HDGF: variants seen among roughly 807,000 people sequenced by gnomAD.
HDGF encodes the protein hepatoma-derived growth factor.
A neutral mutation model predicts 30.0 loss-of-function variants in HDGF; 5 were observed. The ratio of observed to expected loss-of-function variants is 0.17; its 90% confidence interval spans 0.09 to 0.35. HDGF has a LOEUF of 0.35. HDGF is among the 10% of genes least tolerant of loss of function. The pLI, the probability that HDGF is intolerant of heterozygous loss-of-function variation, is 1.00. For missense variants in HDGF, 214 were observed against 302.8 expected, an observed-to-expected ratio of 0.71 and a Z score of 2.18; for synonymous variants, 133 against 112.7, an observed-to-expected ratio of 1.18 and a Z score of -1.14.
chr1:156,760,660 C>T (rs1312995688), intron 1 of HDGF, among the ~76,000 whole-genome samples: 1 of 152,106 alleles, frequency 6.6e-6, no homozygotes, highest in East Asian at 1.9e-4. Context: ...ATGACAATGA[C>T]AGGTGGCTGG....
intron 2 of HDGF, among the ~76,000 whole-genome samples, chr1:156,758,124 C>A (rs1014371417): frequency 1.3e-5 from 2 of 150,990 alleles, no homozygotes; most frequent in Non-Finnish European, 2.9e-5. Flanking sequence ...ATGGTGAAAC[C>A]CCATCTCTAC....
At chr1:156,761,384 G>A (rs911582990) in intron 1 of HDGF, among the ~76,000 whole-genome samples, 75 of 151,726 alleles carry the variant, frequency 4.9e-4, no homozygotes, top group African/African-American at 1.6e-3. Context: ...TGAGGCCAGC[G>A]GATCATCTGA....
intron 1 of HDGF, among the ~76,000 whole-genome samples, chr1:156,765,532 T>C (rs1260115303): frequency 7.5e-6 from 1 of 133,466 alleles, no homozygotes; most frequent in African/African-American, 2.7e-5. Flanking sequence ...TGGAATGCAG[T>C]GGCGTGATCT....
At chr1:156,745,668 CATTCTCCACAATCT>C (rs757200828) in intron 1 of HDGF, among the ~76,000 whole-genome samples, 6 of 152,348 alleles carry the variant, frequency 3.9e-5, no homozygotes, top group South Asian at 2.1e-4. Context: ...TCACCTTCTC[CATTCTCCACAATCT>C]ATTCTCCACA....
intron 5 of HDGF, 39 bp downstream of exon 5, chr1:156,743,613 C>T: frequency 6.4e-7 from 1 of 1,571,562 alleles, no homozygotes; most frequent in Non-Finnish European, 8.8e-7. Flanking sequence ...GGCCGGTCCC[C>T]CCTAGTCCAG....
rs1225729279 is a variant in HDGF at position 156,751,388 on chromosome 1, G to C, written c.42C>G (p.Asp14Glu). 5 of 1,609,572 alleles carry C rather than the reference G, an allele frequency of 3.1e-6. No individual in the cohort carries two copies. Among genetic ancestry groups the C allele is most frequent in the Non-Finnish European group, 4.2e-6 (5 of 1,177,862 alleles). ...AGCCCTTCATCTTGGCGAACACCAG[G>C]TCCCCGCATTTGTACTCCTTCTGCC... ...SNRQKEYKCG[D>E]LVFAKMKGYP... The change falls in exon 1 of 6, where the codon GAC (aspartate) becomes GAG (glutamate). Residue 14 changes from aspartate (D) to glutamate (E), a missense_variant. Physicochemically the swap from Asp to Glu is conservative, Grantham distance 45 (BLOSUM62 2). Coordinates refer to ENST00000357325, the MANE Select transcript of HDGF (RefSeq NM_004494.3). The surrounding 1 kb of genome is among the most constrained non-coding windows in gnomAD (Gnocchi z 4.7).
At chr1:156,745,909 G>A (rs190116022) in intron 1 of HDGF, among the ~76,000 whole-genome samples, 134 of 152,328 alleles carry the variant, frequency 8.8e-4, no homozygotes, top group Non-Finnish European at 1.6e-3. Flanking sequence ...AAGGGAGACA[G>A]TCATAGTACT....
rs1650427082 is a variant in HDGF at position 156,745,020 on chromosome 1, A to G, written c.291T>C (p.Ala97=). The part of the protein sequence containing the change: ...WEIENNPTVK[A]SGYQSSQKKS... ...GGCGGTGGCTCACCTGATAGCCGGA[A>G]GCCTTGACAGTAGGGTTGTTCTCGA... The change falls in exon 3 of 6, where the codon GCT becomes GCC. Residue 97 remains alanine, a synonymous_variant. Transcript: ENST00000357325. 1 of 1,613,962 alleles carries G rather than the reference A, an allele frequency of 6.2e-7. No individual in the cohort carries two copies. The highest frequency in any genetic ancestry group is 8.5e-7 in the Non-Finnish European group (1 of 1,180,032).
rs11556976 is a variant in HDGF at position 156,745,043 on chromosome 1, C to T, written c.268G>A (p.Glu90Lys). The change falls in exon 3 of 6, where the codon GAG becomes AAG. Residue 90 changes from glutamate to lysine, a missense_variant. Glu to Lys is a moderately conservative substitution (Grantham distance 56, BLOSUM62 1). Transcript: ENST00000357325. ...KGFSEGLWEI[E>K]NNPTVKASGY... ...GAAGCCTTGACAGTAGGGTTGTTCTCGATCTCCCACAGCCCCTCGCTGAAC... is the reference window on the plus strand; with the variant it reads ...GAAGCCTTGACAGTAGGGTTGTTCTTGATCTCCCACAGCCCCTCGCTGAAC... 6.2e-7 allele frequency: 1 copy of T among 1,614,046 alleles called. No individual in the cohort carries two copies.
upstream of HDGF, among the ~76,000 whole-genome samples, chr1:156,754,235 T>C (rs1558038747): frequency 6.6e-6 from 1 of 152,168 alleles, no homozygotes. Context: ...TTTTAAACTA[T>C]TTTCCAATTT....
At chr1:156,744,421 CA>C in intron 3 of HDGF, 73 bp from the exon 4 acceptor site, 1 of 1,591,056 alleles carries the variant, frequency 6.3e-7, no homozygotes, top group Admixed American at 1.7e-5. Context: ...GACCCTCCCT[CA>C]GCCACTCACT....
chr1:156,751,137 G>A lies in HDGF; in HGVS notation c.87+206C>T, dbSNP rs1650947617. On this transcript the variant is annotated intron_variant, in intron 1 of 5. Transcript: ENST00000357325. The surrounding 1 kb of genome is among the most constrained non-coding windows in gnomAD (Gnocchi z 4.7). Reference sequence around the variant, plus strand: ...ACACGCCACTACGCGCGGACGCCGTGCCCGCCAGGTGTCTACCCCCACCCC... The same window carrying A: ...ACACGCCACTACGCGCGGACGCCGTACCCGCCAGGTGTCTACCCCCACCCC... Among the ~76,000 whole-genome samples the A allele has an allele frequency of 6.6e-6, 1 of 152,054 alleles. No homozygotes were observed. The highest frequency in any genetic ancestry group is 1.5e-5 in the Non-Finnish European group (1 of 67,954).
chr1:156,748,745 A>G (rs971063323), intron 1 of HDGF, among the ~76,000 whole-genome samples: 32 of 152,248 alleles, frequency 2.1e-4, no homozygotes, highest in African/African-American at 6.8e-4. Context: ...GGGAAGGCTA[A>G]GCACACACTG....
upstream of HDGF, among the ~76,000 whole-genome samples, chr1:156,755,259 G>A (rs944534235): frequency 6.6e-6 from 1 of 152,184 alleles, no homozygotes; most frequent in Non-Finnish European, 1.5e-5. Flanking sequence ...TCTGGCTCTA[G>A]GATCCTGAAG....
At chr1:156,759,555 C>T (rs928681356) in intron 1 of HDGF, among the ~76,000 whole-genome samples, 3 of 149,030 alleles carry the variant, frequency 2.0e-5, no homozygotes, top group African/African-American at 7.5e-5. Flanking sequence ...GTTTTCCGCT[C>T]ACTGCAACCT....
chr1:156,766,536 C>T (rs1294323632), intron 1 of HDGF, among the ~76,000 whole-genome samples: 1 of 152,138 alleles, frequency 6.6e-6, no homozygotes, highest in African/African-American at 2.4e-5. Context: ...CACAGCAGAT[C>T]ATCACAAGCA....
At chr1:156,761,470 G>A (rs1198186311) in intron 1 of HDGF, among the ~76,000 whole-genome samples, 19 of 151,652 alleles carry the variant, frequency 1.3e-4, no homozygotes, top group African/African-American at 4.1e-4. Context: ...CTAGCCCGGC[G>A]TGGTGGTGGA....
intron 1 of HDGF, among the ~76,000 whole-genome samples, chr1:156,762,827 G>A (rs1188504594): frequency 2.0e-5 from 3 of 151,706 alleles, no homozygotes; most frequent in Non-Finnish European, 4.4e-5. Flanking sequence ...AGCCGAGATC[G>A]CGCCATTGCA....
In HDGF at chr1:156,763,788, G is replaced by A. The variant is rs142999653; in HGVS notation, n.136+3002C>T. Among the ~76,000 whole-genome samples the A allele has an allele frequency of 8.7e-3, 1,322 of 151,826 alleles. 6 individuals carry two copies. Among genetic ancestry groups the A allele is most frequent in the South Asian group, 0.017 (81 of 4,798 alleles). On this transcript the variant is annotated intron_variant and non_coding_transcript_variant, in intron 1 of 7. Transcript: ENST00000465180. ...TTTTTAGTAGAGACGGGGTTTCACCGTGTTGCCCAGGCTGGTCTCGAACTC... is the reference window on the plus strand; with the variant it reads ...TTTTTAGTAGAGACGGGGTTTCACCATGTTGCCCAGGCTGGTCTCGAACTC...
Sources: allele counts gnomAD v4.1 joint callset (sites outside exome capture counted in the v4.1 genomes callset), GRCh38; gene constraint gnomAD v4.1.1; non-coding constraint Gnocchi (gnomAD v3.1); transcripts MANE v1.5; gene names NCBI Gene and HGNC (gene_info 2026-07-23, HGNC 2026-07-21).